The following SMYD3 variants were observed in gnomAD, a reference collection of about 807,000 sequenced individuals.
SMYD3 encodes the protein histone-lysine N-methyltransferase SMYD3.
SMYD3 carries 36 observed loss-of-function variants against 57.7 expected under a neutral mutation model. The observed-to-expected ratio is 0.62, with a 90% CI of 0.48 to 0.82. The LOEUF is 0.82. SMYD3 is among the 40% of genes least tolerant of loss of function. SMYD3 has a pLI of 0.00. For missense variants in SMYD3, 515 were observed against 538.8 expected (o/e 0.96, Z 0.44); for synonymous variants, 211 against 195.0 (o/e 1.08, Z -0.68).
At chr1:246,378,740 A>AT (rs2066325655) in intron 1 of SMYD3, among the ~76,000 whole-genome samples, 1 of 99,420 alleles carries the variant, frequency 1.0e-5, no homozygotes, top group Admixed American at 1.6e-4. Flanking sequence ...TATTATATAT[A>AT]ATTATATATA....
chr1:246,503,627 C>T (rs2068490663), intron 1 of SMYD3, among the ~76,000 whole-genome samples: 3 of 152,110 alleles, frequency 2.0e-5, no homozygotes, highest in Admixed American at 6.5e-5. Flanking sequence ...CCTGTTCTAC[C>T]TCCATCAAAT....
chr1:246,186,998 C>G (rs2062651207), intron 5 of SMYD3: 2 of 905,086 alleles, frequency 2.2e-6, no homozygotes, highest in Non-Finnish European at 1.3e-6. Context: ...GTCTGCTACA[C>G]AAACATACAA....
intron 3 of SMYD3, among the ~76,000 whole-genome samples, chr1:246,334,171 C>A (rs1306121214): frequency 6.6e-6 from 1 of 152,016 alleles, no homozygotes; most frequent in Non-Finnish European, 1.5e-5. Flanking sequence ...GGAGATTTCT[C>A]AAAGAGTTAC....
intron 5 of SMYD3, among the ~76,000 whole-genome samples, chr1:246,005,573 C>T (rs1288590286): frequency 4.6e-5 from 7 of 152,196 alleles, no homozygotes; most frequent in African/African-American, 9.6e-5. Context: ...CCTATGCCTC[C>T]TCTCAGCTGG....
At chr1:246,470,736 C>G (rs1313610643) in intron 1 of SMYD3, among the ~76,000 whole-genome samples, 2 of 151,392 alleles carry the variant, frequency 1.3e-5, no homozygotes, top group African/African-American at 4.9e-5. Context: ...AAATCCTACA[C>G]TGGATCTTGG....
At chr1:246,410,686 A>G (rs912977470) in intron 1 of SMYD3, among the ~76,000 whole-genome samples, 1 of 152,074 alleles carries the variant, frequency 6.6e-6, no homozygotes, top group Non-Finnish European at 1.5e-5. Context: ...TGGCCTCATA[A>G]AATGAGTTAG....
intron 10 of SMYD3, among the ~76,000 whole-genome samples, chr1:245,785,029 T>A (rs181420168): frequency 6.6e-6 from 1 of 151,704 alleles, no homozygotes; most frequent in East Asian, 2.0e-4. Flanking sequence ...GTTTTGGGTT[T>A]TAGTAAAGAT....
chr1:245,940,975 G>A (rs1032231813), intron 5 of SMYD3, among the ~76,000 whole-genome samples: 1 of 152,180 alleles, frequency 6.6e-6, no homozygotes, highest in African/African-American at 2.4e-5. Flanking sequence ...GAACATAAAT[G>A]ACCTGATGGA....
intron 5 of SMYD3, among the ~76,000 whole-genome samples, chr1:246,137,058 G>T (rs1364591265): frequency 3.9e-5 from 6 of 152,128 alleles, no homozygotes; most frequent in Non-Finnish European, 8.8e-5. Flanking sequence ...TTGGGTTGTT[G>T]TTTTTCTGAT....
At chr1:246,408,311 A>G (rs12079788) in intron 1 of SMYD3, among the ~76,000 whole-genome samples, 7,498 of 152,200 alleles carry the variant, frequency 0.049, 649 homozygotes, top group African/African-American at 0.17. Flanking sequence ...AAATAGTTAT[A>G]TATTATCTAA....
At chr1:245,967,246 T>C (rs892790019) in intron 5 of SMYD3, among the ~76,000 whole-genome samples, 9 of 152,214 alleles carry the variant, frequency 5.9e-5, no homozygotes. Context: ...TATATTTCAC[T>C]GTCTGGCAGG....
chr1:246,242,547 C>T lies in SMYD3; in HGVS notation c.531+84654G>A, dbSNP rs2063632539. On this transcript the variant is annotated intron_variant, in intron 5 of 11. Transcript: ENST00000490107. ...GGAAGAAACTGCATCAACTAATGAG[C>T]AAAATAACCAGCTAACATCATAATG... 3.3e-5 allele frequency among the ~76,000 whole-genome samples: 5 copies of T among 152,032 alleles called. No individual in the cohort carries two copies. In the South Asian group the frequency reaches 1.0e-3, roughly 32 times the overall value.
At chr1:245,850,312 T>C (rs576039225) in intron 10 of SMYD3, among the ~76,000 whole-genome samples, 1 of 152,226 alleles carries the variant, frequency 6.6e-6, no homozygotes, top group East Asian at 1.9e-4. Context: ...CCCGAAAGTG[T>C]TTTAGGCAGA....
At chr1:246,248,166 C>A (rs1220267568) in intron 5 of SMYD3, among the ~76,000 whole-genome samples, 1 of 152,118 alleles carries the variant, frequency 6.6e-6, no homozygotes, top group Admixed American at 6.5e-5. Context: ...TTTCATAAAA[C>A]TGAAAAGCAA....
intron 10 of SMYD3, among the ~76,000 whole-genome samples, chr1:245,802,215 G>C (rs532005660): frequency 5.3e-4 from 80 of 152,288 alleles, no homozygotes; most frequent in African/African-American, 1.9e-3. Context: ...AATACCCACA[G>C]AATGGGGAGA....
chr1:246,421,836 C>A (rs2067147521), intron 1 of SMYD3, among the ~76,000 whole-genome samples: 1 of 152,148 alleles, frequency 6.6e-6, no homozygotes, highest in Non-Finnish European at 1.5e-5. Flanking sequence ...GAGTCAGAAG[C>A]CCCTGAACCA....
intron 8 of SMYD3, among the ~76,000 whole-genome samples, chr1:245,878,660 A>G (rs1398310127): frequency 6.6e-6 from 1 of 152,228 alleles, no homozygotes; most frequent in Non-Finnish European, 1.5e-5. Flanking sequence ...AAAAGGGGCC[A>G]GCTGAGGACA....
chr1:246,401,727 CT>C (rs11320119), intron 1 of SMYD3, among the ~76,000 whole-genome samples: 125,313 of 132,320 alleles, frequency 0.95, 59,278 homozygotes, highest in East Asian at 0.98. Context: ...AATTCAGGTG[CT>C]TTTTTTTTTT....
intron 1 of SMYD3, among the ~76,000 whole-genome samples, chr1:246,429,392 C>T (rs114011313): frequency 1.3e-5 from 2 of 152,266 alleles, no homozygotes; most frequent in Non-Finnish European, 2.9e-5. Context: ...TATAGCACTG[C>T]CAAGTATCAT....
Sources: allele counts gnomAD v4.1 joint callset (sites outside exome capture counted in the v4.1 genomes callset), GRCh38; gene constraint gnomAD v4.1.1; transcripts MANE v1.5; gene names NCBI Gene and HGNC (gene_info 2026-07-23, HGNC 2026-07-21).